The following GALNT17 variants were observed in gnomAD, a reference collection of about 807,000 sequenced individuals.
GALNT17 encodes the protein polypeptide N-acetylgalactosaminyltransferase 17, also known as UDP-GalNAc:polypeptide N-acetylgalactosaminyltransferase-like 3.
Under a neutral mutation model 63.7 loss-of-function variants are expected in GALNT17, and 29 were observed. The observed-to-expected ratio is 0.46, with a 90% CI of 0.34 to 0.62. GALNT17 has a LOEUF of 0.62. Among genes scored for constraint, GALNT17 ranks in the 20% least tolerant of loss-of-function variants. The pLI is 0.01. For synonymous variants in GALNT17, 305 were observed against 318.3 expected (o/e 0.96, Z 0.45); for missense variants, 603 against 799.6 (o/e 0.75, Z 2.97).
intron 1 of GALNT17, among the ~76,000 whole-genome samples, chr7:71,212,732 A>G (rs547135303): frequency 1.7e-4 from 26 of 152,224 alleles, no homozygotes; most frequent in African/African-American, 6.3e-4. Context: ...AAGGAGAGAG[A>G]TCATTTGGAG....
chr7:71,191,256 G>A (rs1158559865), intron 1 of GALNT17, among the ~76,000 whole-genome samples: 1 of 151,900 alleles, frequency 6.6e-6, no homozygotes, highest in Non-Finnish European at 1.5e-5. Context: ...GATATTTTTA[G>A]CCCTAGATTA....
At chr7:71,211,053 A>G (rs146129424) in intron 1 of GALNT17, among the ~76,000 whole-genome samples, 3 of 152,298 alleles carry the variant, frequency 2.0e-5, no homozygotes, top group Non-Finnish European at 4.4e-5. Context: ...ACTAAACCAT[A>G]TTACTAAATT....
chr7:71,319,055 T>C (rs1174315238), intron 1 of GALNT17, among the ~76,000 whole-genome samples: 3 of 146,626 alleles, frequency 2.0e-5, no homozygotes, highest in Non-Finnish European at 4.6e-5. Flanking sequence ...GTTATCCTAA[T>C]GTCTGAACCA....
intron 2 of GALNT17, among the ~76,000 whole-genome samples, chr7:71,359,519 C>G (rs1792357913): frequency 6.6e-6 from 1 of 152,136 alleles, no homozygotes; most frequent in African/African-American, 2.4e-5. Flanking sequence ...CCGACTCCAA[C>G]TTTGGGAATC....
At chr7:71,543,737 C>T (rs1319103745) in intron 5 of GALNT17, among the ~76,000 whole-genome samples, 1 of 151,132 alleles carries the variant, frequency 6.6e-6, no homozygotes. Context: ...CCTGCAAACT[C>T]AAGAATTTCT....
chr7:71,510,506 C>T lies in GALNT17; in HGVS notation c.963-60779C>T, dbSNP rs990558501. 7.2e-5 allele frequency among the ~76,000 whole-genome samples: 11 copies of T among 152,230 alleles called. No individual in the cohort carries two copies. The South Asian group carries it at 2.3e-3, about 32-fold the overall frequency. ...CTGGGTGCTAATTTCCTGCCACTTC[C>T]AACTTGCCTCAGAGTGCAGACTCAT... On this transcript the variant is annotated intron_variant, in intron 5 of 10. Transcript: ENST00000333538.
intron 5 of GALNT17, among the ~76,000 whole-genome samples, chr7:71,569,731 G>A (rs1382439452): frequency 6.6e-6 from 1 of 151,522 alleles, no homozygotes; most frequent in Admixed American, 6.6e-5. Context: ...TGGCTGCATA[G>A]TATTCCATGG....
At chr7:71,332,350 AATG>A (rs768348920) in intron 1 of GALNT17, among the ~76,000 whole-genome samples, 10 of 152,086 alleles carry the variant, frequency 6.6e-5, no homozygotes, top group Non-Finnish European at 1.5e-4. Flanking sequence ...TTTCAGTTTC[AATG>A]ATATTTCTCA....
intron 2 of GALNT17, among the ~76,000 whole-genome samples, chr7:71,374,700 A>G (rs1317887115): frequency 7.5e-6 from 1 of 134,154 alleles, no homozygotes; most frequent in Non-Finnish European, 1.6e-5. Context: ...GATCTGCTCA[A>G]TCTCTCTGGC....
intron 2 of GALNT17, among the ~76,000 whole-genome samples, chr7:71,351,885 G>T (rs73358191): frequency 0.016 from 2,431 of 152,298 alleles, 53 homozygotes; most frequent in African/African-American, 0.055. Context: ...TATGTTTTTA[G>T]AAGGTCATTC....
At chr7:71,454,156 CAT>C (rs1350693307) in intron 5 of GALNT17, among the ~76,000 whole-genome samples, 2 of 152,162 alleles carry the variant, frequency 1.3e-5, no homozygotes, top group African/African-American at 4.8e-5. Context: ...CAGAGGTAAA[CAT>C]GTGCCATGGT....
At chr7:71,599,475 G>A (rs567156953) in intron 6 of GALNT17, among the ~76,000 whole-genome samples, 3 of 152,220 alleles carry the variant, frequency 2.0e-5, no homozygotes, top group African/African-American at 7.2e-5. Flanking sequence ...CCAAGTTTGA[G>A]TCTTGTTCCA....
chr7:71,314,520 A>G (rs1254532575), intron 1 of GALNT17, among the ~76,000 whole-genome samples: 1 of 152,220 alleles, frequency 6.6e-6, no homozygotes, highest in Non-Finnish European at 1.5e-5. Context: ...TATAACTTGA[A>G]GTGGAAACCA....
intron 6 of GALNT17, among the ~76,000 whole-genome samples, chr7:71,633,843 T>G (rs1584103230): frequency 6.6e-6 from 1 of 152,196 alleles, no homozygotes; most frequent in African/African-American, 2.4e-5. Flanking sequence ...CACATTTTTT[T>G]GCTTTCAGTT....
intron 5 of GALNT17, among the ~76,000 whole-genome samples, chr7:71,481,603 G>A (rs1787818750): frequency 6.6e-6 from 1 of 152,112 alleles, no homozygotes; most frequent in Admixed American, 6.5e-5. Context: ...AGGTGCAGGG[G>A]GAAACAGCAG....
At chr7:71,162,591 A>G (rs1200405329) in intron 1 of GALNT17, among the ~76,000 whole-genome samples, 1 of 151,468 alleles carries the variant, frequency 6.6e-6, no homozygotes, top group African/African-American at 2.4e-5. Flanking sequence ...GCTCCATGTG[A>G]CTGCATGAAG....
chr7:71,168,700 C>CGTGTATGT, intron 1 of GALNT17, among the ~76,000 whole-genome samples: 1 of 83,274 alleles, frequency 1.2e-5, no homozygotes, highest in East Asian at 3.3e-4. Context: ...CACATAGTTA[C>CGTGTATGT]GTGTATGTGT....
chr7:71,590,024 G>A (rs952668716), intron 6 of GALNT17, among the ~76,000 whole-genome samples: 40 of 151,148 alleles, frequency 2.6e-4, no homozygotes, highest in Admixed American at 2.6e-3. Flanking sequence ...CACACAGATA[G>A]GAACCATGCC....
At chr7:71,667,055 C>T (rs190964659) in intron 7 of GALNT17, among the ~76,000 whole-genome samples, 1 of 152,352 alleles carries the variant, frequency 6.6e-6, no homozygotes, top group East Asian at 1.9e-4. Context: ...TGCTGCACAG[C>T]AGGGTAACCT....
Sources: allele counts gnomAD v4.1 joint callset (sites outside exome capture counted in the v4.1 genomes callset), GRCh38; gene constraint gnomAD v4.1.1; transcripts MANE v1.5; gene names NCBI Gene and HGNC (gene_info 2026-07-23, HGNC 2026-07-21).